Variants in TAF4B observed in about 807,000 individuals in gnomAD.
The protein encoded by TAF4B is TATA-box binding protein associated factor 4b, also known as transcription initiation factor TFIID subunit 4B.
Under a neutral mutation model 86.4 loss-of-function variants are expected in TAF4B, and 38 were observed. The ratio of observed to expected loss-of-function variants is 0.44; its 90% CI spans 0.34 to 0.58. TAF4B has a LOEUF of 0.58. TAF4B is among the 20% of genes least tolerant of loss of function. The probability of loss-of-function intolerance (pLI) is 0.02; values close to 1 mark genes in which losing one functional copy is unlikely to be tolerated. For missense variants in TAF4B, 988 were observed against 1,027.6 expected, an observed-to-expected ratio of 0.96 and a Z score of 0.53; for synonymous variants, 388 against 391.2, an observed-to-expected ratio of 0.99 and a Z score of 0.10.
At chr18:26,360,900 T>C (rs542520482) in intron 14 of TAF4B, among the ~76,000 whole-genome samples, 1 of 152,238 alleles carries the variant, frequency 6.6e-6, no homozygotes, top group Non-Finnish European at 1.5e-5. Flanking sequence ...CATATGGCTG[T>C]CGAGATCTTG....
chr18:26,359,954 G>A (rs2057317829), intron 14 of TAF4B, among the ~76,000 whole-genome samples: 1 of 151,684 alleles, frequency 6.6e-6, no homozygotes, highest in South Asian at 2.1e-4. Context: ...CTGAGCTCAA[G>A]CAGTTCACCT....
chr18:26,316,127 C>T (rs1321471828), intron 10 of TAF4B, among the ~76,000 whole-genome samples: 1 of 151,998 alleles, frequency 6.6e-6, no homozygotes, highest in Non-Finnish European at 1.5e-5. Context: ...ATCGCTTGAA[C>T]CCGGGAGGCT....
At chr18:26,284,578 C>T (rs1023924992) in intron 6 of TAF4B, among the ~76,000 whole-genome samples, 2 of 152,170 alleles carry the variant, frequency 1.3e-5, no homozygotes, top group Admixed American at 6.5e-5. Context: ...TAGATGCTGA[C>T]AGTCAGAAAG....
rs532824938 is a variant in TAF4B, at chr18:26,343,500, C to T, written c.2316+8269C>T. 9.3e-4 allele frequency among the ~76,000 whole-genome samples: 142 copies of T among 152,350 alleles called. 1 individual carries two copies. The highest frequency in any genetic ancestry group is 1.0e-3 in the Non-Finnish European group (68 of 68,036). On this transcript the variant is annotated intron_variant, in intron 13 of 14. Transcript: ENST00000269142. ...CATTGCAAAAGCTTTGAAAACTGAG[C>T]TGACGTTGTAGCCACAGATCACAGA... is the stretch of plus-strand genomic sequence containing the variant.
intron 1 of TAF4B, among the ~76,000 whole-genome samples, chr18:26,233,712 C>T (rs143079846): frequency 6.6e-6 from 1 of 152,296 alleles, no homozygotes; most frequent in Admixed American, 6.5e-5. Context: ...TAAACCACTT[C>T]CTCAGCCCTC....
chr18:26,309,199 AAATG>A (rs2056827789), intron 9 of TAF4B, among the ~76,000 whole-genome samples: 1 of 148,396 alleles, frequency 6.7e-6, no homozygotes, highest in Admixed American at 6.8e-5. Context: ...ATTTTCATGA[AAATG>A]AATGAAGTGA....
rs1486314601 is a variant in TAF4B, at chr18:26,294,795, T to G, written c.1832+1264T>G. On this transcript the variant is annotated intron_variant, in intron 9 of 14. Coordinates refer to ENST00000269142, the MANE Select transcript of TAF4B (RefSeq NM_005640.3). ...CAATAGTTTTTACATAGGTAATAGA[T>G]GGGAATTAAAGGATGACGATTAAGA... Among the ~76,000 whole-genome samples the G allele has an allele frequency of 2.7e-5, 4 of 150,088 alleles. No individual in the cohort carries two copies. The East Asian group carries it at 7.8e-4, about 29-fold the overall frequency.
At chr18:26,261,822 G>A (rs944661257) in intron 1 of TAF4B, among the ~76,000 whole-genome samples, 3 of 152,186 alleles carry the variant, frequency 2.0e-5, no homozygotes, top group African/African-American at 7.2e-5. Context: ...TACCAGCCTC[G>A]TCTTAATTGC....
At chr18:26,384,976 G>A (rs1053336053) in intron 14 of TAF4B, among the ~76,000 whole-genome samples, 7 of 152,104 alleles carry the variant, frequency 4.6e-5, no homozygotes, top group African/African-American at 1.7e-4. Context: ...GTAACCCAGA[G>A]AATTTTGAAT....
intron 9 of TAF4B, among the ~76,000 whole-genome samples, chr18:26,294,635 TA>T (rs2056638511): frequency 9.6e-6 from 1 of 104,238 alleles, no homozygotes; most frequent in African/African-American, 2.8e-5. Context: ...ATAACATTTG[TA>T]TATATATGTA....
intron 1 of TAF4B, among the ~76,000 whole-genome samples, chr18:26,232,129 T>C (rs1214794242): frequency 6.6e-6 from 1 of 152,170 alleles, no homozygotes; most frequent in Non-Finnish European, 1.5e-5. Flanking sequence ...AGAGTGCTGA[T>C]TGGTGCATTT....
chr18:26,351,477 A>G (rs2057245842), intron 13 of TAF4B, among the ~76,000 whole-genome samples: 1 of 152,280 alleles, frequency 6.6e-6, no homozygotes, highest in South Asian at 2.1e-4. Context: ...AATAATGCAT[A>G]GTTTCAAGTA....
intron 5 of TAF4B, among the ~76,000 whole-genome samples, chr18:26,277,157 C>T (rs2056393839): frequency 6.6e-6 from 1 of 152,032 alleles, no homozygotes; most frequent in Admixed American, 6.6e-5. Flanking sequence ...AACAAGGCTC[C>T]CTGCTTTCTT....
chr18:26,227,291 C>A lies in TAF4B; in HGVS notation c.343+15C>A. ...GCTTCCTCCAGGTATGTTGATAACC[C>A]TTTCCAGCCTTGTCTGTCGGTCCAG... On this transcript the variant is annotated intron_variant, in intron 1 of 14. Transcript: ENST00000269142. 6.2e-7 allele frequency: 1 copy of A among 1,603,338 alleles called. No homozygotes were observed. The highest frequency in any genetic ancestry group is 8.5e-7 in the Non-Finnish European group (1 of 1,175,520).
intron 12 of TAF4B, 73 bp from the exon 13 acceptor site, chr18:26,335,102 A>G: frequency 9.2e-7 from 1 of 1,082,684 alleles, no homozygotes; most frequent in Non-Finnish European, 1.4e-6. Context: ...ATTGTCATTT[A>G]TTAAATATTT....
chr18:26,343,660 A>T (rs1276243784), intron 13 of TAF4B, among the ~76,000 whole-genome samples: 6 of 152,334 alleles, frequency 3.9e-5, no homozygotes, highest in Admixed American at 3.9e-4. Flanking sequence ...GTACAGGTCC[A>T]CTTATATGTG....
At chr18:26,231,807 A>G (rs910403533) in intron 1 of TAF4B, among the ~76,000 whole-genome samples, 3 of 152,084 alleles carry the variant, frequency 2.0e-5, no homozygotes, top group Admixed American at 6.5e-5. Flanking sequence ...AGCAAGGTTT[A>G]TTGTGAAGAG....
At chr18:26,386,333 A>G (rs1007022376) in intron 14 of TAF4B, among the ~76,000 whole-genome samples, 2 of 151,574 alleles carry the variant, frequency 1.3e-5, no homozygotes, top group East Asian at 3.9e-4. Context: ...CTGTTTGACA[A>G]TTTTGCCTTA....
At chr18:26,260,926 G>A (rs2056156324) in intron 1 of TAF4B, among the ~76,000 whole-genome samples, 1 of 152,056 alleles carries the variant, frequency 6.6e-6, no homozygotes. Context: ...TCTCACAGGT[G>A]GTTTCTGTTG....
Sources: gnomAD v4.1 joint callset for allele counts (sites outside exome capture counted in the v4.1 genomes callset) on GRCh38, gnomAD v4.1.1 for gene constraint, MANE v1.5 for transcripts, NCBI Gene and HGNC (gene_info 2026-07-23, HGNC 2026-07-21) for gene names.